Variants in MRTFB observed in about 807,000 individuals in gnomAD.
MRTFB encodes the protein myocardin related transcription factor B, also known as myocardin-related transcription factor B.
In MRTFB, 29 loss-of-function variants were observed where a neutral mutation model predicts 104.2. The observed-to-expected ratio is 0.28, with a 90% confidence interval of 0.21 to 0.38. The LOEUF is 0.38. Among genes scored for constraint, MRTFB ranks in the 10% least tolerant of loss-of-function variants. The probability of loss-of-function intolerance (pLI) is 1.00; values close to 1 mark genes in which losing one functional copy is unlikely to be tolerated. For missense variants in MRTFB, 1,270 were observed against 1,341.6 expected (o/e 0.95, Z 0.83); for synonymous variants, 535 against 519.5 (o/e 1.03, Z -0.41).
chr16:14,141,841 GTT>G (rs548995205), intron 3 of MRTFB: 15 of 138,570 alleles, frequency 1.1e-4, no homozygotes, highest in Admixed American at 1.4e-4. Flanking sequence ...TTTGATAGGT[GTT>G]TTTTTTTTTT....
rs2043858450 is a variant in MRTFB at position 14,263,881 on chromosome 16, A to G, written c.*2437A>G. 6.6e-6 allele frequency: 1 copy of G among 152,184 alleles called. No homozygotes were observed. Among genetic ancestry groups the G allele is most frequent in the Admixed American group, 6.5e-5 (1 of 15,270 alleles). 9.4% of individuals were successfully genotyped at this position (152,184 alleles called of 1,614,324 possible). A position where few individuals can be genotyped will look rare whatever the true frequency, so the allele number is the denominator to read the frequency against. ...ACCCTCCTCTCTCCTGGCTTGGGTC[A>G]CCAGCCAGGCACCTGTGACACGAGT... On this transcript the variant is annotated 3_prime_UTR_variant, in exon 17 of 17. Transcript: ENST00000571589.
the MRTFB span, among the ~76,000 whole-genome samples, chr16:14,026,459 T>C: frequency 6.6e-6 from 1 of 152,204 alleles, no homozygotes; most frequent in East Asian, 1.9e-4. Flanking sequence ...CAAGAAGATA[T>C]ATGGGGAAAT....
In MRTFB at chr16:14,103,774, G is replaced by A. The variant is rs528673692; in HGVS notation, c.-64+24420G>A. On this transcript the variant is annotated intron_variant, in intron 2 of 16. Transcript: ENST00000571589. ...CCTTCGTCCAAGTCAGTCCAGCCAA[G>A]GATTGGCATAAATTAGGTGTTGAAA... Among the ~76,000 whole-genome samples the A allele has an allele frequency of 7.2e-5, 11 of 152,292 alleles. No homozygotes were observed. In the South Asian group the frequency reaches 1.9e-3, roughly 26 times the overall value.
At chr16:14,028,033 C>T in the MRTFB span, among the ~76,000 whole-genome samples, 1 of 152,062 alleles carries the variant, frequency 6.6e-6, no homozygotes, top group Non-Finnish European at 1.5e-5. Flanking sequence ...AAAAATTAGT[C>T]AGGCATGGTG....
chr16:14,154,472 T>TA (rs1390187481), intron 3 of MRTFB, among the ~76,000 whole-genome samples: 1 of 152,240 alleles, frequency 6.6e-6, no homozygotes, highest in African/African-American at 2.4e-5. Flanking sequence ...GACAATCTCT[T>TA]ACAATTTTAA....
At chr16:14,168,999 T>C (rs1355008150) in intron 3 of MRTFB, among the ~76,000 whole-genome samples, 3 of 152,210 alleles carry the variant, frequency 2.0e-5, no homozygotes, top group Non-Finnish European at 4.4e-5. Flanking sequence ...ATGTGAAAGA[T>C]TTTTTCCAAA....
intron 3 of MRTFB, among the ~76,000 whole-genome samples, chr16:14,182,317 G>A (rs2039797397): frequency 6.6e-6 from 1 of 152,152 alleles, no homozygotes; most frequent in South Asian, 2.1e-4. Context: ...CAGTGGTGAT[G>A]TATACAGGGT....
chr16:14,164,907 T>A (rs557259524), intron 3 of MRTFB, among the ~76,000 whole-genome samples: 1 of 151,780 alleles, frequency 6.6e-6, no homozygotes, highest in African/African-American at 2.4e-5. Context: ...GGGTTAGGGT[T>A]GACTCTGCAT....
At chr16:13,996,736 C>G in the MRTFB span, among the ~76,000 whole-genome samples, 2 of 152,118 alleles carry the variant, frequency 1.3e-5, no homozygotes, top group Admixed American at 1.3e-4. Context: ...GAGGGATAGG[C>G]CTGGTTGGGT....
At chr16:14,080,948 A>G (rs2034361777) in intron 2 of MRTFB, among the ~76,000 whole-genome samples, 1 of 152,228 alleles carries the variant, frequency 6.6e-6, no homozygotes, top group Non-Finnish European at 1.5e-5. Context: ...GCTATTGTGA[A>G]TAGTGCTGCA....
intron 3 of MRTFB, among the ~76,000 whole-genome samples, chr16:14,161,084 A>ATTTTT (rs2039016402): frequency 2.4e-5 from 2 of 81,698 alleles, no homozygotes; most frequent in Admixed American, 1.1e-4. Flanking sequence ...TAATGCCAGG[A>ATTTTT]CTTTTTTTTT....
chr16:14,217,326 GAA>G, intron 7 of MRTFB, 39 bp downstream of exon 7: 1 of 1,536,824 alleles, frequency 6.5e-7, no homozygotes, highest in Non-Finnish European at 8.8e-7. Context: ...GTGAGAAAGA[GAA>G]ACTTGGAAAT....
the MRTFB span, among the ~76,000 whole-genome samples, chr16:14,004,134 G>A: frequency 4.6e-5 from 7 of 152,206 alleles, no homozygotes; most frequent in African/African-American, 1.4e-4. Flanking sequence ...CCTTGGAGAA[G>A]CCAGAAGGCT....
At chr16:14,048,326 G>A in the MRTFB span, among the ~76,000 whole-genome samples, 3 of 152,208 alleles carry the variant, frequency 2.0e-5, no homozygotes, top group South Asian at 6.2e-4. Context: ...TAATGGGATA[G>A]AGGGCTCCTG....
At chr16:14,011,892 T>G in the MRTFB span, among the ~76,000 whole-genome samples, 30 of 152,240 alleles carry the variant, frequency 2.0e-4, no homozygotes, top group Admixed American at 1.6e-3. Context: ...ATAATAATTC[T>G]TGCAAGGAAT....
intron 3 of MRTFB, among the ~76,000 whole-genome samples, chr16:14,161,849 A>T (rs1429142261): frequency 6.6e-6 from 1 of 152,208 alleles, no homozygotes; most frequent in Non-Finnish European, 1.5e-5. Context: ...CTCAAAAATG[A>T]CTAAAATATG....
the MRTFB span, among the ~76,000 whole-genome samples, chr16:14,023,673 G>A: frequency 0.023 from 3,278 of 140,790 alleles, 119 homozygotes; most frequent in African/African-American, 0.083. Flanking sequence ...GTGTGTGTGT[G>A]TGTCTATATA....
At chr16:14,185,684 A>T (rs1597186537) in intron 3 of MRTFB, among the ~76,000 whole-genome samples, 1 of 152,274 alleles carries the variant, frequency 6.6e-6, no homozygotes, top group East Asian at 1.9e-4. Flanking sequence ...TTGAAAAAAA[A>T]AAAAGGACAA....
At chr16:14,077,976 G>T (rs910319499) in intron 1 of MRTFB, among the ~76,000 whole-genome samples, 2 of 152,074 alleles carry the variant, frequency 1.3e-5, no homozygotes, top group African/African-American at 4.8e-5. Flanking sequence ...GGCGTTCAAG[G>T]CCCCCTCCTG....
Sources: gnomAD v4.1 joint callset for allele counts (sites outside exome capture counted in the v4.1 genomes callset) on GRCh38, gnomAD v4.1.1 for gene constraint, MANE v1.5 for transcripts, NCBI Gene and HGNC (gene_info 2026-07-23, HGNC 2026-07-21) for gene names.